C1orf94: variants seen among roughly 807,000 people sequenced by gnomAD.
The protein encoded by C1orf94 is chromosome 1 open reading frame 94, also known as uncharacterized protein C1orf94.
C1orf94 carries 45 observed loss-of-function variants against 53.6 expected under a neutral mutation model. The ratio of observed to expected loss-of-function variants is 0.84; its 90% CI spans 0.66 to 1.08. The LOEUF is 1.08. C1orf94 is among the 50% of genes least tolerant of loss of function. The probability of loss-of-function intolerance (pLI) is 0.00; values close to 1 mark genes in which losing one functional copy is unlikely to be tolerated. For synonymous variants in C1orf94, 304 were observed against 296.1 expected (o/e 1.03, Z -0.27); for missense variants, 762 against 738.9 (o/e 1.03, Z -0.36).
rs552204081 is a variant in C1orf94 at position 34,186,852 on chromosome 1, G to C, written c.320+8743G>C. ...ATTCCTCTTCCGCTACTGCACTATGGGCTTCTTAAGGGCAAGGTCTGTGTC... is the reference window on the plus strand; with the variant it reads ...ATTCCTCTTCCGCTACTGCACTATGCGCTTCTTAAGGGCAAGGTCTGTGTC... On this transcript the variant is annotated intron_variant, in intron 1 of 6. Coordinates refer to ENST00000488417, the MANE Select transcript of C1orf94 (RefSeq NM_001134734.2). Among the ~76,000 whole-genome samples, 3 of 152,146 alleles carry C rather than the reference G, an allele frequency of 2.0e-5. No individual in the cohort carries two copies. The South Asian group carries it at 6.2e-4, about 32-fold the overall frequency.
intron 1 of C1orf94, among the ~76,000 whole-genome samples, chr1:34,183,870 AAT>A (rs1217316062): frequency 2.0e-5 from 3 of 152,138 alleles, no homozygotes; most frequent in Admixed American, 6.5e-5. Flanking sequence ...AAAAAAAAAA[AAT>A]TAGTATGCAC....
chr1:34,195,915 G>C (rs868671244), intron 1 of C1orf94, among the ~76,000 whole-genome samples: 1 of 152,170 alleles, frequency 6.6e-6, no homozygotes, highest in Non-Finnish European at 1.5e-5. Flanking sequence ...GCTGGCCAGA[G>C]CTGGAACCTG....
Position 34,212,742 on chromosome 1 carries a change from C to T in C1orf94, c.1721+336C>T, listed in dbSNP as rs149300806. Among the ~76,000 whole-genome samples, 286 of 152,294 alleles carry T rather than the reference C, an allele frequency of 1.9e-3. 2 individuals carry two copies. The highest frequency in any genetic ancestry group is 3.4e-3 in the Middle Eastern group (1 of 294). Reference sequence around the variant, plus strand: ...TTGCCTTTACCCATGTGCTTGGTTACAACAGGACATGGCCAGCTAATCTCC... The same window carrying T: ...TTGCCTTTACCCATGTGCTTGGTTATAACAGGACATGGCCAGCTAATCTCC... On this transcript the variant is annotated intron_variant, in intron 6 of 6. Transcript: ENST00000488417.
chr1:34,216,653 A>G (rs942049582), intron 6 of C1orf94, among the ~76,000 whole-genome samples: 1 of 152,230 alleles, frequency 6.6e-6, no homozygotes, highest in Non-Finnish European at 1.5e-5. Context: ...AGAGGCTTCC[A>G]TGTCCTCAGG....
chr1:34,212,793 G>A (rs902794946), intron 6 of C1orf94, among the ~76,000 whole-genome samples: 5 of 152,050 alleles, frequency 3.3e-5, no homozygotes, highest in Admixed American at 6.6e-5. Flanking sequence ...CCCACTGTCC[G>A]CACCCTGATC....
intron 1 of C1orf94, among the ~76,000 whole-genome samples, chr1:34,180,720 A>G (rs1642300257): frequency 6.6e-6 from 1 of 152,190 alleles, no homozygotes; most frequent in Admixed American, 6.5e-5. Context: ...CTATTTCTAG[A>G]ATGCCTTCAG....
intron 6 of C1orf94, among the ~76,000 whole-genome samples, chr1:34,216,955 A>T (rs757873231): frequency 1.1e-4 from 17 of 152,138 alleles, no homozygotes; most frequent in Non-Finnish European, 1.8e-4. Flanking sequence ...TGGTGCACAC[A>T]TGTAGTCCCA....
At chr1:34,202,057 C>T (rs1571346289) in intron 3 of C1orf94, 27 bp from the exon 4 acceptor site, 2 of 1,605,904 alleles carry the variant, frequency 1.2e-6, no homozygotes, top group East Asian at 4.5e-5. Context: ...CATCACTGAC[C>T]CGCTTTGCCT....
chr1:34,201,328 C>T (rs1642703960), intron 3 of C1orf94, among the ~76,000 whole-genome samples: 1 of 152,158 alleles, frequency 6.6e-6, no homozygotes, highest in African/African-American at 2.4e-5. Flanking sequence ...CAAGCCAAAA[C>T]AAAAGATCCT....
Position 34,178,110 on chromosome 1 carries a change from G to GT in C1orf94, c.320+2dup. The GT allele has an allele frequency of 6.4e-7, 1 of 1,550,932 alleles. No homozygotes were observed. The highest frequency in any genetic ancestry group is 1.2e-5 in the South Asian group (1 of 84,012). On this transcript the variant is annotated splice_donor_variant, in intron 1 of 6. Coordinates refer to ENST00000488417, the MANE Select transcript of C1orf94 (RefSeq NM_001134734.2). LOFTEE classifies it high-confidence loss of function. Reference sequence around the variant, plus strand: ...GCAATGAGCTCAGCTTTCAAGAAGAGTAAGTACCCCCCTACTCCATTGGCA... The same window carrying GT: ...GCAATGAGCTCAGCTTTCAAGAAGAGTTAAGTACCCCCCTACTCCATTGGCA...
intron 2 of C1orf94, among the ~76,000 whole-genome samples, chr1:34,198,700 C>T (rs974867764): frequency 2.0e-5 from 3 of 152,206 alleles, no homozygotes; most frequent in African/African-American, 7.2e-5. Flanking sequence ...CTGAGAGACA[C>T]CCGTATTGGG....
intron 1 of C1orf94, among the ~76,000 whole-genome samples, chr1:34,185,440 A>G (rs1263550931): frequency 6.6e-6 from 1 of 152,186 alleles, no homozygotes; most frequent in African/African-American, 2.4e-5. Context: ...TTGGCCTCTC[A>G]AAGTGCTGGG....
chr1:34,199,569 G>T (rs962215692), intron 2 of C1orf94, among the ~76,000 whole-genome samples: 2 of 152,188 alleles, frequency 1.3e-5, no homozygotes, highest in Non-Finnish European at 2.9e-5. Flanking sequence ...ATTATCAACA[G>T]GTAACACTGA....
intron 1 of C1orf94, among the ~76,000 whole-genome samples, chr1:34,190,529 T>C (rs1199694105): frequency 6.6e-6 from 1 of 152,228 alleles, no homozygotes; most frequent in Non-Finnish European, 1.5e-5. Flanking sequence ...TTGCATTCGT[T>C]ACCTGGCTAA....
chr1:34,180,341 A>G (rs1417107612), intron 1 of C1orf94, among the ~76,000 whole-genome samples: 1 of 152,210 alleles, frequency 6.6e-6, no homozygotes, highest in Non-Finnish European at 1.5e-5. Context: ...TTTACTTTTT[A>G]TTATGCAAAT....
chr1:34,189,951 CCTT>C (rs1324882362), intron 1 of C1orf94, among the ~76,000 whole-genome samples: 1 of 152,194 alleles, frequency 6.6e-6, no homozygotes, highest in Admixed American at 6.5e-5. Context: ...TGCTCTTTCT[CCTT>C]CTTCCACTCT....
intron 6 of C1orf94, among the ~76,000 whole-genome samples, chr1:34,215,743 C>G (rs1229361294): frequency 6.6e-6 from 1 of 152,180 alleles, no homozygotes; most frequent in Non-Finnish European, 1.5e-5. Context: ...CAGTGGCTCA[C>G]GCCTGTAATC....
At chr1:34,176,146 A>G (rs186816082), upstream of C1orf94, among the ~76,000 whole-genome samples, 54 of 152,136 alleles carry the variant, frequency 3.5e-4, no homozygotes, top group Middle Eastern at 3.4e-3. Flanking sequence ...TACTGGGGGA[A>G]TTATGAATGG....
At chr1:34,205,461 C>T (rs142061311) in intron 4 of C1orf94, among the ~76,000 whole-genome samples, 60 of 152,256 alleles carry the variant, frequency 3.9e-4, no homozygotes, top group African/African-American at 1.2e-3. Context: ...CTGCTGCTTC[C>T]AAGTTAGGCC....
Sources: gnomAD v4.1 joint callset for allele counts (sites outside exome capture counted in the v4.1 genomes callset) on GRCh38, gnomAD v4.1.1 for gene constraint, MANE v1.5 for transcripts, NCBI Gene and HGNC (gene_info 2026-07-23, HGNC 2026-07-21) for gene names.